The following NAV3 variants were observed in gnomAD, a reference collection of about 807,000 sequenced individuals.
NAV3 encodes neuron navigator 3, also known as pore membrane and/or filament interacting like protein 1.
A neutral mutation model predicts 244.7 loss-of-function variants in NAV3; 87 were observed. The ratio of observed to expected loss-of-function variants is 0.36; its 90% CI spans 0.30 to 0.42. The LOEUF (loss-of-function observed/expected upper bound fraction) is 0.42. Ranked by LOEUF, NAV3 falls within the 20% of genes least tolerant of loss-of-function variation. NAV3 has a pLI of 1.00. For synonymous variants in NAV3, 1,126 were observed against 1,042.2 expected (o/e 1.08, Z -1.55); for missense variants, 2,663 against 2,893.3 (o/e 0.92, Z 1.83).
chr12:77,901,263 A>G (rs538382022), intron 1 of NAV3, among the ~76,000 whole-genome samples: 19 of 152,272 alleles, frequency 1.2e-4, no homozygotes, highest in African/African-American at 4.6e-4. Context: ...TTTTGTTGCA[A>G]TTGCTTTTGA....
chr12:78,192,383 A>G (rs1959020347), intron 34 of NAV3, among the ~76,000 whole-genome samples: 1 of 150,964 alleles, frequency 6.6e-6, no homozygotes, highest in African/African-American at 2.4e-5. Flanking sequence ...TTATTTTTTT[A>G]TTTTTTATTA....
At chr12:78,167,426 A>C (rs1241649013) in intron 23 of NAV3, among the ~76,000 whole-genome samples, 1 of 151,644 alleles carries the variant, frequency 6.6e-6, no homozygotes, top group Admixed American at 6.6e-5. Context: ...ACTGTTCTCT[A>C]TCAGGAAAAT....
In NAV3 at chr12:78,121,391, T is replaced by C. The variant is rs75040009; in HGVS notation, c.3750-549T>C. 3.9e-3 allele frequency among the ~76,000 whole-genome samples: 589 copies of C among 152,290 alleles called. 3 individuals are homozygous for C. The highest frequency in any genetic ancestry group is 0.013 in the African/African-American group (552 of 41,552). ...AGACAAACTGACTTGTTGCCGACAA[T>C]GTCAATATTGTTTCCAACCAACTGC... On this transcript the variant is annotated intron_variant, in intron 15 of 39. Transcript: ENST00000397909.
Position 78,188,253 on chromosome 12 carries a change from A to G in NAV3, c.5796A>G (p.Gln1932=), listed in dbSNP as rs775501369. 1 of 1,609,460 alleles carries G rather than the reference A, an allele frequency of 6.2e-7. No individual in the cohort carries two copies. The highest frequency in any genetic ancestry group is 8.5e-7 in the Non-Finnish European group (1 of 1,177,210). ...ISKGYGRAKD[Q]KSQAYLIGSI... ...TTTATTTTGTTCTTATTTAGGACCA[A>G]AAATCTCAGGCATATTTGATAGGAT... The change falls in exon 32 of 40, where the codon CAA becomes CAG. Residue 1932 remains glutamine (Q), a synonymous_variant. Coordinates refer to ENST00000397909, the MANE Select transcript of NAV3 (RefSeq NM_001024383.2).
At chr12:77,628,902 CAA>C (rs200250331) in intron 2 of NAV3, among the ~76,000 whole-genome samples, 59 of 86,424 alleles carry the variant, frequency 6.8e-4, no homozygotes, top group Admixed American at 7.8e-4. Flanking sequence ...ACCCTGTCTC[CAA>C]AAAAAAAAAA....
chr12:77,886,642 C>T (rs1423703732), intron 1 of NAV3, among the ~76,000 whole-genome samples: 1 of 152,120 alleles, frequency 6.6e-6, no homozygotes, highest in East Asian at 1.9e-4. Flanking sequence ...TTGCATTTAA[C>T]TACCATAGCT....
chr12:77,763,462 G>A (rs1044958476), intron 2 of NAV3, among the ~76,000 whole-genome samples: 4 of 152,096 alleles, frequency 2.6e-5, no homozygotes, highest in African/African-American at 7.2e-5. Context: ...CTCAACTTCT[G>A]TAGACCAGCA....
At chr12:77,994,753 C>T (rs2136399426) in intron 5 of NAV3, 50 bp from the exon 6 acceptor site, 1 of 1,436,986 alleles carries the variant, frequency 7.0e-7, no homozygotes, top group East Asian at 2.3e-5. Flanking sequence ...GCTTTCCTTC[C>T]ATGTTCAAAG....
chr12:77,895,934 C>A, intron 1 of NAV3, among the ~76,000 whole-genome samples: 1 of 130,796 alleles, frequency 7.6e-6, no homozygotes, highest in African/African-American at 3.0e-5. Flanking sequence ...ATTTAGACTG[C>A]CTTTTGATCT....
intron 12 of NAV3, among the ~76,000 whole-genome samples, chr12:78,078,418 C>T (rs1953169819): frequency 2.3e-5 from 2 of 87,678 alleles, no homozygotes; most frequent in Non-Finnish European, 4.1e-5. Context: ...TTTTTTGAGA[C>T]GGAGTCTCGC....
intron 12 of NAV3, among the ~76,000 whole-genome samples, chr12:78,078,143 T>A (rs1953148055): frequency 6.6e-6 from 1 of 152,092 alleles, no homozygotes; most frequent in African/African-American, 2.4e-5. Flanking sequence ...ACATCCATCA[T>A]GTTAGATTAG....
At chr12:77,576,633 C>T (rs1203391808) in intron 2 of NAV3, among the ~76,000 whole-genome samples, 1 of 152,024 alleles carries the variant, frequency 6.6e-6, no homozygotes, top group Non-Finnish European at 1.5e-5. Flanking sequence ...GATAAAATAA[C>T]ATCATATACA....
chr12:77,607,991 A>C (rs1490374696), intron 2 of NAV3, among the ~76,000 whole-genome samples: 1 of 152,138 alleles, frequency 6.6e-6, no homozygotes, highest in Non-Finnish European at 1.5e-5. Flanking sequence ...GTGAAAGTGT[A>C]ACTTCTTTTT....
intron 9 of NAV3, among the ~76,000 whole-genome samples, chr12:78,045,824 A>G (rs938170768): frequency 1.3e-5 from 2 of 152,110 alleles, no homozygotes; most frequent in African/African-American, 4.8e-5. Flanking sequence ...TCCTCTTCGT[A>G]GTTCTGTTAG....
chr12:78,048,553 G>C (rs1882226411), intron 9 of NAV3, among the ~76,000 whole-genome samples: 1 of 152,220 alleles, frequency 6.6e-6, no homozygotes. Context: ...AAAGGCTGCA[G>C]AACAGCAAAG....
intron 1 of NAV3, among the ~76,000 whole-genome samples, chr12:77,928,698 AT>A (rs1465856008): frequency 1.3e-5 from 2 of 152,164 alleles, no homozygotes; most frequent in Non-Finnish European, 2.9e-5. Flanking sequence ...AGCATAGTAA[AT>A]CCTACCCTTT....
At chr12:78,191,165 T>C (rs1958959623) in intron 34 of NAV3, among the ~76,000 whole-genome samples, 1 of 152,078 alleles carries the variant, frequency 6.6e-6, no homozygotes, top group Admixed American at 6.6e-5. Context: ...CCCAAACCCA[T>C]TAGATTCTTG....
intron 9 of NAV3, among the ~76,000 whole-genome samples, chr12:78,035,884 C>A (rs572533633): frequency 6.6e-6 from 1 of 152,280 alleles, no homozygotes; most frequent in Non-Finnish European, 1.5e-5. Flanking sequence ...TGTCATGCTT[C>A]ATTTTTTAGG....
intron 3 of NAV3, chr12:77,947,319 G>GT (rs1181585969): frequency 3.3e-5 from 5 of 149,894 alleles, no homozygotes; most frequent in African/African-American, 1.2e-4. Context: ...ATTCTTAATA[G>GT]TAAAAAAAAA....
Sources: gnomAD v4.1 joint callset for allele counts (sites outside exome capture counted in the v4.1 genomes callset) on GRCh38, gnomAD v4.1.1 for gene constraint, MANE v1.5 for transcripts, NCBI Gene and HGNC (gene_info 2026-07-23, HGNC 2026-07-21) for gene names.